The following PUM1 variants were observed in gnomAD, a reference collection of about 807,000 sequenced individuals.
PUM1 encodes pumilio RNA binding family member 1.
A neutral mutation model predicts 131.8 loss-of-function variants in PUM1; 13 were observed. The ratio of observed to expected loss-of-function variants is 0.10; its 90% confidence interval spans 0.06 to 0.16. The LOEUF is 0.16. Ranked by LOEUF, PUM1 falls within the 10% of genes least tolerant of loss-of-function variation. The pLI, the probability that PUM1 is intolerant of heterozygous loss-of-function variation, is 1.00. For missense variants in PUM1, 961 were observed against 1,512.4 expected (o/e 0.64, Z 6.05); for synonymous variants, 509 against 556.5 (o/e 0.91, Z 1.20).
intron 14 of PUM1, among the ~76,000 whole-genome samples, chr1:30,960,356 C>T (rs1436683320): frequency 1.3e-5 from 2 of 152,150 alleles, no homozygotes; most frequent in Non-Finnish European, 2.9e-5. Context: ...GGTTTTGCAG[C>T]ATTTCAGATT....
rs368508264 is a variant in PUM1, at chr1:31,031,116, G to A, written c.364-2252C>T. On this transcript the variant is annotated intron_variant, in intron 2 of 21. Coordinates refer to ENST00000426105, the MANE Select transcript of PUM1 (RefSeq NM_001020658.2). ...ACTGTATATAATAAAAATAAAGGAG[G>A]GTAGGGAGGATGAAGACAGGATGTT... Among the ~76,000 whole-genome samples, 10 of 151,398 alleles carry A rather than the reference G, an allele frequency of 6.6e-5. No homozygotes were observed. In the South Asian group the frequency reaches 8.4e-4, roughly 13 times the overall value.
At chr1:31,038,093 A>C (rs78816948) in intron 2 of PUM1, among the ~76,000 whole-genome samples, 7 of 151,756 alleles carry the variant, frequency 4.6e-5, no homozygotes, top group Admixed American at 2.0e-4. Context: ...AAAAAAAAAA[A>C]CCCTGGCATC....
At chr1:30,975,526 T>TTC (rs1485506688) in intron 9 of PUM1, among the ~76,000 whole-genome samples, 2 of 145,574 alleles carry the variant, frequency 1.4e-5, no homozygotes, top group Non-Finnish European at 3.0e-5. Context: ...AATTTTTTTT[T>TTC]TTTTTTTTTT....
intron 15 of PUM1, among the ~76,000 whole-genome samples, chr1:30,953,250 T>C (rs887731667): frequency 6.6e-6 from 1 of 152,174 alleles, no homozygotes; most frequent in African/African-American, 2.4e-5. Flanking sequence ...GAAAGAAGGA[T>C]GGGTGTTGTC....
chr1:30,941,079 A>G (rs1639423431), intron 20 of PUM1, 72 bp downstream of exon 20: 2 of 1,415,380 alleles, frequency 1.4e-6, no homozygotes, highest in Non-Finnish European at 1.9e-6. Context: ...ACATTAAAAA[A>G]TAAGATAATT....
intron 1 of PUM1, among the ~76,000 whole-genome samples, chr1:31,061,074 T>C (rs1234067639): frequency 2.0e-5 from 3 of 152,154 alleles, no homozygotes; most frequent in Admixed American, 2.0e-4. Context: ...CTTACAACTA[T>C]TAACTGTAAT....
chr1:31,050,230 A>G (rs1167457364), intron 2 of PUM1, among the ~76,000 whole-genome samples: 1 of 152,112 alleles, frequency 6.6e-6, no homozygotes, highest in African/African-American at 2.4e-5. Flanking sequence ...CACACTTTTA[A>G]TCTCAGTACT....
At chr1:31,015,728 CA>C (rs1010374271) in intron 3 of PUM1, among the ~76,000 whole-genome samples, 1 of 145,736 alleles carries the variant, frequency 6.9e-6, no homozygotes, top group African/African-American at 2.6e-5. Flanking sequence ...GGCTGGAGTG[CA>C]ATGATGCGAT....
At position 30,976,679 on chromosome 1, in the gene PUM1, G is replaced by GTGCACA. The variant is rs1478825060; in HGVS notation, c.1355-1883_1355-1878dup. On this transcript the variant is annotated intron_variant, in intron 9 of 21. Transcript: ENST00000426105. ...ATTAAGAAGCTGTTTACAAGCAAGG[G>GTGCACA]TGCACACTGAAACACTATACCTGGG... Among the ~76,000 whole-genome samples the GTGCACA allele has an allele frequency of 8.5e-5, 13 of 152,260 alleles. No individual in the cohort carries two copies. In the East Asian group the frequency reaches 2.5e-3, roughly 29 times the overall value.
chr1:30,956,261 GTTTTGTT>G (rs946391889), intron 14 of PUM1, among the ~76,000 whole-genome samples: 26 of 151,510 alleles, frequency 1.7e-4, no homozygotes, highest in Non-Finnish European at 3.4e-4. Context: ...GTTTTTTTTT[GTTTTGTT>G]TTTTGTTTTT....
chr1:30,967,937 G>A (rs905883118), intron 11 of PUM1, among the ~76,000 whole-genome samples: 1 of 152,052 alleles, frequency 6.6e-6, no homozygotes, highest in Non-Finnish European at 1.5e-5. Flanking sequence ...CCCTACTATT[G>A]GTTTAAGAGA....
In PUM1 at chr1:31,040,158, G is replaced by A. The variant is rs562058962; in HGVS notation, c.364-11294C>T. ...TCTTCTAGAACTCCTAGGCTCATGC[G>A]ATCCTCCCACATTGGCTTCCCAAAG... On this transcript the variant is annotated intron_variant, in intron 2 of 21. Coordinates refer to ENST00000426105, the MANE Select transcript of PUM1 (RefSeq NM_001020658.2). 6.6e-5 allele frequency among the ~76,000 whole-genome samples: 10 copies of A among 152,136 alleles called. 1 individual carries two copies. In the South Asian group the frequency reaches 8.3e-4, roughly 13 times the overall value.
chr1:31,049,370 G>C (rs61780503), intron 2 of PUM1, among the ~76,000 whole-genome samples: 12,287 of 151,986 alleles, frequency 0.081, 749 homozygotes, highest in East Asian at 0.3. Context: ...AGAAAAAGTA[G>C]CCGGGCATGG....
At chr1:31,044,295 G>T (rs1271983629) in intron 2 of PUM1, among the ~76,000 whole-genome samples, 1 of 152,098 alleles carries the variant, frequency 6.6e-6, no homozygotes, top group Non-Finnish European at 1.5e-5. Context: ...CAGCTACTCG[G>T]GAGGCTGAGG....
At chr1:31,057,405 CAAAAAAA>C (rs1223950994) in intron 2 of PUM1, among the ~76,000 whole-genome samples, 3 of 68,758 alleles carry the variant, frequency 4.4e-5, no homozygotes, top group Non-Finnish European at 7.8e-5. Context: ...GACCTTGTCT[CAAAAAAA>C]AAAAAAAAAA....
intron 2 of PUM1, among the ~76,000 whole-genome samples, chr1:31,051,361 T>C (rs1038668596): frequency 9.2e-5 from 14 of 151,408 alleles, no homozygotes; most frequent in African/African-American, 3.4e-4. Context: ...TGGAGTGCAA[T>C]GGCACAATCT....
At position 31,006,044 on chromosome 1, in the gene PUM1, T is replaced by C. The variant is rs1642391428; in HGVS notation, c.542-13A>G. 5 of 1,592,334 alleles carry C rather than the reference T, an allele frequency of 3.1e-6. No homozygotes were observed. The highest frequency in any genetic ancestry group is 4.3e-6 in the Non-Finnish European group (5 of 1,169,232). On this transcript the variant is annotated splice_polypyrimidine_tract_variant and intron_variant, in intron 4 of 21. Coordinates refer to ENST00000426105, the MANE Select transcript of PUM1 (RefSeq NM_001020658.2). ...GAAACTGAATGATCTACAAAAAAGA[T>C]ACACAAGCATGATACAGTGCAGCCA... is the stretch of plus-strand genomic sequence containing the variant.
chr1:30,985,193 A>C (rs889689331), intron 7 of PUM1, among the ~76,000 whole-genome samples: 2 of 152,172 alleles, frequency 1.3e-5, no homozygotes, highest in African/African-American at 4.8e-5. Flanking sequence ...TAACACATGT[A>C]AAGATTTATA....
intron 3 of PUM1, among the ~76,000 whole-genome samples, chr1:31,009,951 A>C (rs1034993029): frequency 6.6e-6 from 1 of 152,142 alleles, no homozygotes; most frequent in Admixed American, 6.5e-5. Context: ...GTCACCTTTC[A>C]TGATAGTATA....
Sources: gnomAD v4.1 joint callset for allele counts (sites outside exome capture counted in the v4.1 genomes callset) on GRCh38, gnomAD v4.1.1 for gene constraint, MANE v1.5 for transcripts, NCBI Gene and HGNC (gene_info 2026-07-23, HGNC 2026-07-21) for gene names.